Variants in RSF1 observed in about 807,000 individuals in gnomAD.
RSF1 encodes the protein remodeling and spacing factor 1.
RSF1 carries 13 observed loss-of-function variants against 145.2 expected under a neutral mutation model. The observed-to-expected ratio is 0.09, with a 90% CI of 0.06 to 0.14. RSF1 has a LOEUF of 0.14. Ranked by LOEUF, RSF1 falls within the 10% of genes least tolerant of loss-of-function variation. The probability of loss-of-function intolerance (pLI) is 1.00; values close to 1 mark genes in which losing one functional copy is unlikely to be tolerated. For synonymous variants in RSF1, 577 were observed against 592.6 expected, an observed-to-expected ratio of 0.97 and a Z score of 0.38; for missense variants, 1,517 against 1,718.2, an observed-to-expected ratio of 0.88 and a Z score of 2.07.
rs114339979 is a variant in RSF1 at position 77,799,583 on chromosome 11, C to T, written c.187+20945G>A. On this transcript the variant is annotated intron_variant, in intron 1 of 15. Coordinates refer to ENST00000308488, the MANE Select transcript of RSF1 (RefSeq NM_016578.4). ...ACCACTACATAATTACAAAATATTTCCATTAACCCAGAAGGAAATCTTGTC... is the reference window on the plus strand; with the variant it reads ...ACCACTACATAATTACAAAATATTTTCATTAACCCAGAAGGAAATCTTGTC... 4.5e-3 allele frequency among the ~76,000 whole-genome samples: 683 copies of T among 151,366 alleles called. 5 individuals carry two copies. The highest frequency in any genetic ancestry group is 0.016 in the African/African-American group (666 of 41,220).
the RSF1 span, among the ~76,000 whole-genome samples, chr11:77,842,996 G>T: frequency 5.3e-5 from 8 of 152,102 alleles, no homozygotes; most frequent in African/African-American, 1.9e-4. Context: ...GCCTATTCTG[G>T]ATGTTTTCTA....
At chr11:77,682,078 C>A (rs1959877388) in intron 11 of RSF1, among the ~76,000 whole-genome samples, 1 of 152,178 alleles carries the variant, frequency 6.6e-6, no homozygotes, top group Non-Finnish European at 1.5e-5. Context: ...GCAGAACTGA[C>A]TTCATATTTG....
intron 2 of RSF1, 30 bp downstream of exon 2, chr11:77,764,568 T>G (rs753198244): frequency 8.6e-7 from 1 of 1,167,440 alleles, no homozygotes; most frequent in South Asian, 1.3e-5. Flanking sequence ...ATTTCAGTAA[T>G]AGAGCAGGAA....
the RSF1 span, among the ~76,000 whole-genome samples, chr11:77,852,239 A>AAAAAAAAAAAAAAAAAAGAAG: frequency 7.5e-6 from 1 of 133,828 alleles, no homozygotes; most frequent in African/African-American, 2.8e-5. Context: ...AAAAAAAAAA[A>AAAAAAAAAAAAAAAAAAGAAG]AAGAAGAAGA....
intron 5 of RSF1, among the ~76,000 whole-genome samples, chr11:77,709,495 A>G (rs900040486): frequency 4.6e-5 from 7 of 152,226 alleles, no homozygotes; most frequent in African/African-American, 1.4e-4. Context: ...GTCTAAGAGT[A>G]TATGTCAACA....
intron 8 of RSF1, 67 bp from the exon 9 acceptor site, chr11:77,691,305 T>A: frequency 7.4e-7 from 1 of 1,355,774 alleles, no homozygotes; most frequent in Non-Finnish European, 1.1e-6. Context: ...ACATACATGT[T>A]AACTTCATGG....
chr11:77,868,045 C>T, the RSF1 span, among the ~76,000 whole-genome samples: 1 of 146,558 alleles, frequency 6.8e-6, no homozygotes, highest in Non-Finnish European at 1.5e-5. Context: ...TAGTCTTTTT[C>T]TTTCCTCTGA....
In RSF1 at chr11:77,699,510, T is replaced by C. The variant is rs189104603; in HGVS notation, c.2509-817A>G. ...CGTTTAAATACATTAAAAAGAAAAGTAGCACTTTTGATTATGATAAATTCC... is the reference window on the plus strand; with the variant it reads ...CGTTTAAATACATTAAAAAGAAAAGCAGCACTTTTGATTATGATAAATTCC... On this transcript the variant is annotated intron_variant, in intron 6 of 15. Transcript: ENST00000308488. Among the ~76,000 whole-genome samples the C allele has an allele frequency of 2.4e-3, 362 of 152,280 alleles. 3 individuals are homozygous for C. The highest frequency in any genetic ancestry group is 3.9e-3 in the Non-Finnish European group (266 of 68,004).
At chr11:77,784,431 C>T (rs1177380131) in intron 1 of RSF1, among the ~76,000 whole-genome samples, 2 of 150,780 alleles carry the variant, frequency 1.3e-5, no homozygotes, top group Non-Finnish European at 2.9e-5. Context: ...TTTTACTGTC[C>T]TTGTCTGCTA....
the RSF1 span, among the ~76,000 whole-genome samples, chr11:77,870,612 C>T: frequency 5.3e-5 from 8 of 152,046 alleles, no homozygotes; most frequent in Non-Finnish European, 7.4e-5. Flanking sequence ...GTTGGGATTA[C>T]GGGTGTGAGC....
At chr11:77,676,496 A>T (rs1412812842) in intron 13 of RSF1, among the ~76,000 whole-genome samples, 1 of 152,214 alleles carries the variant, frequency 6.6e-6, no homozygotes, top group Non-Finnish European at 1.5e-5. Context: ...GACCTGGCAG[A>T]AGGTGGCACA....
chr11:77,715,115 C>T (rs957084599), intron 5 of RSF1, among the ~76,000 whole-genome samples: 3 of 151,888 alleles, frequency 2.0e-5, no homozygotes, highest in Non-Finnish European at 2.9e-5. Flanking sequence ...TTGAGCAAGA[C>T]CTTATCTCTT....
chr11:77,856,250 A>G, the RSF1 span, among the ~76,000 whole-genome samples: 4 of 152,308 alleles, frequency 2.6e-5, no homozygotes, highest in East Asian at 3.9e-4. Context: ...TAACCTTTAC[A>G]CTAGTTGCCA....
chr11:77,683,657 G>T, intron 11 of RSF1, 53 bp downstream of exon 11: 1 of 1,165,104 alleles, frequency 8.6e-7, no homozygotes, highest in Non-Finnish European at 1.3e-6. Flanking sequence ...ATCATGCTGT[G>T]TACTTGCAAA....
In RSF1 at chr11:77,667,218, C is replaced by T. The variant is rs770606412; in HGVS notation, c.4025G>A (p.Arg1342Gln). ...GTCCTCTTCCTCATCACTTTCTATCCGGTAGGGCTTCTTGGTGCTCTCTTG... is the reference window on the plus strand; with the variant it reads ...GTCCTCTTCCTCATCACTTTCTATCTGGTAGGGCTTCTTGGTGCTCTCTTG... Reference protein sequence around the residue: ...SEQESTKKPYRIESDEEEDFE... With the variant: ...SEQESTKKPYQIESDEEEDFE... Residue 1342 changes from arginine to glutamine, a missense_variant, in exon 16 of 16, where the codon CGG (arginine) becomes CAG (glutamine). This residue lies in a region of RSF1 where 240 missense variants were observed against 231.8 expected (regional missense o/e 1.04). Transcript: ENST00000308488. The T allele has an allele frequency of 2.7e-5, 44 of 1,614,098 alleles. No individual in the cohort carries two copies. Among genetic ancestry groups the T allele is most frequent in the Middle Eastern group, 1.6e-4 (1 of 6,084 alleles).
At chr11:77,676,034 C>T (rs190938371) in intron 13 of RSF1, among the ~76,000 whole-genome samples, 5 of 152,336 alleles carry the variant, frequency 3.3e-5, no homozygotes, top group Non-Finnish European at 5.9e-5. Flanking sequence ...CCAGAGCCAA[C>T]AGGAGTTTCC....
chr11:77,811,285 ATAG>A (rs1356997738), intron 1 of RSF1, among the ~76,000 whole-genome samples: 1 of 152,240 alleles, frequency 6.6e-6, no homozygotes, highest in Non-Finnish European at 1.5e-5. Context: ...ACATGGTCCT[ATAG>A]TAAGTTGAGG....
intron 2 of RSF1, among the ~76,000 whole-genome samples, chr11:77,754,775 AAAAC>A (rs1379532079): frequency 6.6e-6 from 1 of 152,060 alleles, no homozygotes; most frequent in African/African-American, 2.4e-5. Flanking sequence ...AACAAAAACT[AAAAC>A]TAACAGAATT....
At chr11:77,814,057 A>T (rs1253071643) in intron 1 of RSF1, among the ~76,000 whole-genome samples, 7 of 151,842 alleles carry the variant, frequency 4.6e-5, no homozygotes, top group Non-Finnish European at 1.0e-4. Flanking sequence ...AAAATGAGCC[A>T]GGCATGGTGG....
Sources: gnomAD v4.1 joint callset for allele counts (sites outside exome capture counted in the v4.1 genomes callset) on GRCh38, gnomAD v4.1.1 for gene constraint, gnomAD v4.1.1 regional missense constraint, MANE v1.5 for transcripts, NCBI Gene and HGNC (gene_info 2026-07-23, HGNC 2026-07-21) for gene names.